Variants in CNTNAP2 observed in about 807,000 individuals in gnomAD.
CNTNAP2 encodes the protein contactin-associated protein-like 2.
In CNTNAP2, 98 loss-of-function variants were observed where a neutral mutation model predicts 155.2. The ratio of observed to expected loss-of-function variants is 0.63; its 90% CI spans 0.54 to 0.75. The LOEUF (loss-of-function observed/expected upper bound fraction) is 0.75. CNTNAP2 is among the 30% of genes least tolerant of loss of function. The pLI is 0.00. For missense variants in CNTNAP2, 1,727 were observed against 1,688.1 expected (o/e 1.02, Z -0.40); for synonymous variants, 651 against 631.2 (o/e 1.03, Z -0.47).
intron 1 of CNTNAP2, among the ~76,000 whole-genome samples, chr7:146,382,545 A>G (rs1007055770): frequency 6.6e-6 from 1 of 152,218 alleles, no homozygotes; most frequent in East Asian, 1.9e-4. Flanking sequence ...TTGCATAATT[A>G]CTTTATAAAG....
intron 3 of CNTNAP2, among the ~76,000 whole-genome samples, chr7:146,919,486 G>A (rs1796456502): frequency 6.6e-6 from 1 of 152,150 alleles, no homozygotes; most frequent in Non-Finnish European, 1.5e-5. Context: ...TAGAGCTACT[G>A]GGCTCCAGGC....
chr7:146,127,070 G>T (rs1797648142), intron 1 of CNTNAP2, among the ~76,000 whole-genome samples: 1 of 152,010 alleles, frequency 6.6e-6, no homozygotes, highest in Non-Finnish European at 1.5e-5. Context: ...CTTAAATTTA[G>T]TCTCCTCCTA....
At chr7:146,370,118 A>T (rs34576513) in intron 1 of CNTNAP2, among the ~76,000 whole-genome samples, 40,100 of 118,934 alleles carry the variant, frequency 0.34, 6,465 homozygotes, top group Admixed American at 0.46. Flanking sequence ...ACCAATGATT[A>T]AAAAAAAAAA....
intron 6 of CNTNAP2, among the ~76,000 whole-genome samples, chr7:147,128,273 T>A (rs1458730762): frequency 2.0e-5 from 3 of 152,204 alleles, no homozygotes; most frequent in African/African-American, 7.2e-5. Context: ...TGCAGTTTTA[T>A]CAGCTTATTA....
chr7:146,554,280 G>A (rs1017607953), intron 1 of CNTNAP2, among the ~76,000 whole-genome samples: 4 of 152,164 alleles, frequency 2.6e-5, no homozygotes, highest in Middle Eastern at 3.4e-3. Context: ...AGCTTCTAAC[G>A]ACAGTATTTG....
intron 13 of CNTNAP2, among the ~76,000 whole-genome samples, chr7:147,748,664 C>G (rs1192654143): frequency 6.6e-6 from 1 of 152,154 alleles, no homozygotes; most frequent in East Asian, 1.9e-4. Context: ...AAACATGTTA[C>G]CAGCATGCCT....
At chr7:146,360,181 C>T (rs771239692) in intron 1 of CNTNAP2, among the ~76,000 whole-genome samples, 1 of 152,134 alleles carries the variant, frequency 6.6e-6, no homozygotes, top group East Asian at 1.9e-4. Flanking sequence ...TTTCCAGTGT[C>T]TCTCTCCTTT....
chr7:148,150,740 T>G (rs1222900942), intron 17 of CNTNAP2, among the ~76,000 whole-genome samples: 1 of 152,030 alleles, frequency 6.6e-6, no homozygotes, highest in Non-Finnish European at 1.5e-5. Flanking sequence ...TTTCTATGTT[T>G]TGTTTGTTTG....
chr7:146,683,151 A>G (rs1800534658), intron 1 of CNTNAP2, among the ~76,000 whole-genome samples: 1 of 152,114 alleles, frequency 6.6e-6, no homozygotes, highest in South Asian at 2.1e-4. Flanking sequence ...CTCTTGCCTC[A>G]GCTTTGCCAG....
At chr7:146,759,978 T>A (rs1802063139) in intron 1 of CNTNAP2, among the ~76,000 whole-genome samples, 1 of 152,174 alleles carries the variant, frequency 6.6e-6, no homozygotes, top group East Asian at 1.9e-4. Context: ...AGTAAGTATC[T>A]TAAACATCTT....
At chr7:146,721,796 A>ATAGACTATATATAGTCTACATATG (rs1801331311) in intron 1 of CNTNAP2, among the ~76,000 whole-genome samples, 1 of 123,614 alleles carries the variant, frequency 8.1e-6, no homozygotes, top group African/African-American at 3.5e-5. Context: ...GTCTACATAT[A>ATAGACTATATATAGTCTACATATG]TAGACTATAT....
intron 3 of CNTNAP2, among the ~76,000 whole-genome samples, chr7:146,958,581 T>G (rs1399141821): frequency 6.6e-6 from 1 of 151,228 alleles, no homozygotes; most frequent in African/African-American, 2.4e-5. Flanking sequence ...GCCCGGCTAA[T>G]TTTTTGTATT....
chr7:146,916,897 G>C (rs1291173675), intron 3 of CNTNAP2, among the ~76,000 whole-genome samples: 2 of 152,080 alleles, frequency 1.3e-5, no homozygotes, highest in Non-Finnish European at 1.5e-5. Flanking sequence ...TAGCCTCCTT[G>C]AGGTGTGACC....
At chr7:147,808,531 G>T (rs1195580620) in intron 13 of CNTNAP2, among the ~76,000 whole-genome samples, 1 of 152,278 alleles carries the variant, frequency 6.6e-6, no homozygotes, top group East Asian at 1.9e-4. Context: ...TGACACTAAT[G>T]ACACTTCCCT....
chr7:148,359,195 G>A (rs1014354815), intron 21 of CNTNAP2, among the ~76,000 whole-genome samples: 2 of 152,184 alleles, frequency 1.3e-5, no homozygotes, highest in Non-Finnish European at 2.9e-5. Context: ...GCCTAAGTGG[G>A]TGGTAGGCTC....
At chr7:147,333,687 T>C (rs2620474) in intron 9 of CNTNAP2, among the ~76,000 whole-genome samples, 58,310 of 152,010 alleles carry the variant, frequency 0.38, 12,114 homozygotes, top group African/African-American at 0.54. Context: ...TTCAAAACAA[T>C]TGGTTAATAG....
At chr7:146,934,716 G>T (rs1796873891) in intron 3 of CNTNAP2, among the ~76,000 whole-genome samples, 1 of 152,120 alleles carries the variant, frequency 6.6e-6, no homozygotes, top group African/African-American at 2.4e-5. Flanking sequence ...GCTCCCCAAT[G>T]GCAGACATTA....
chr7:146,596,600 AGAGAGAGAGAGAGAGAGAG>A (rs1419672080), intron 1 of CNTNAP2, among the ~76,000 whole-genome samples: 1 of 62,976 alleles, frequency 1.6e-5, no homozygotes, highest in Non-Finnish European at 3.2e-5. Context: ...GGAGACAGAG[AGAGAGAGAGAGAGAGAGAG>A]AGAGAGAGAG....
chr7:148,081,916 T>G (rs1361894387), intron 15 of CNTNAP2, among the ~76,000 whole-genome samples: 1 of 152,104 alleles, frequency 6.6e-6, no homozygotes, highest in East Asian at 1.9e-4. Flanking sequence ...TAACCAGATA[T>G]AGGCTGATAG....
Sources: allele counts gnomAD v4.1 joint callset (sites outside exome capture counted in the v4.1 genomes callset), GRCh38; gene constraint gnomAD v4.1.1; transcripts MANE v1.5; gene names NCBI Gene and HGNC (gene_info 2026-07-23, HGNC 2026-07-21).